Variants in PPP1R42 observed in about 807,000 individuals in gnomAD.
The protein encoded by PPP1R42 is protein phosphatase 1 regulatory subunit 42, also known as leucine rich repeat containing 67.
A neutral mutation model predicts 31.0 loss-of-function variants in PPP1R42; 34 were observed. That is an observed-to-expected ratio of 1.10 (90% CI 0.83 to 1.46). The LOEUF (loss-of-function observed/expected upper bound fraction) is 1.46. Ranked by LOEUF, PPP1R42 falls within the 40% of genes most tolerant of loss-of-function variation. PPP1R42 has a pLI of 0.00. For missense variants in PPP1R42, 268 were observed against 303.0 expected, an observed-to-expected ratio of 0.88 and a Z score of 0.86; for synonymous variants, 103 against 109.8, an observed-to-expected ratio of 0.94 and a Z score of 0.39.
chr8:67,018,827 T>TCCCCC (rs1816109490), intron 1 of PPP1R42, among the ~76,000 whole-genome samples: 2 of 6,570 alleles, frequency 3.0e-4, no homozygotes, highest in African/African-American at 4.7e-4. Context: ...CCCCCCCCCT[T>TCCCCC]TTTTTTTTTT....
At chr8:67,008,567 G>T (rs892636332) in intron 5 of PPP1R42, among the ~76,000 whole-genome samples, 4 of 152,170 alleles carry the variant, frequency 2.6e-5, no homozygotes, top group Non-Finnish European at 5.9e-5. Flanking sequence ...AATTAGCTGG[G>T]CGTGGTGGCA....
intron 7 of PPP1R42, among the ~76,000 whole-genome samples, chr8:66,979,091 G>T (rs1814754992): frequency 6.6e-6 from 1 of 152,026 alleles, no homozygotes; most frequent in Non-Finnish European, 1.5e-5. Flanking sequence ...TGTTCTCATT[G>T]CCTGTGCTTT....
chr8:66,993,952 T>C (rs1157773330), intron 5 of PPP1R42, among the ~76,000 whole-genome samples: 3 of 152,118 alleles, frequency 2.0e-5, no homozygotes, highest in Non-Finnish European at 4.4e-5. Flanking sequence ...AGTTGCTAAT[T>C]AGAGGTGCTG....
Position 67,010,746 on chromosome 8 carries a change from A to T in PPP1R42, c.521T>A (p.Ile174Lys). Residue 174 changes from isoleucine (I) to lysine (K), a missense_variant, in exon 5 of 8, where the codon ATA (isoleucine) becomes AAA (lysine). Transcript: ENST00000685739. ...LELLENLNQL[I>K]AVDNQLLHVK... is the part of the protein sequence containing the mutation. ...ATGCAGAAGTTGGTTGTCAACGGCT[A>T]TGAGCTGATTAAGATTCTCTAGTAG... 2 of 1,607,888 alleles carry T rather than the reference A, an allele frequency of 1.2e-6. No individual in the cohort carries two copies. Among genetic ancestry groups the T allele is most frequent in the Non-Finnish European group, 1.7e-6 (2 of 1,177,120 alleles).
chr8:66,968,565 A>G (rs1349022381), intron 7 of PPP1R42: 19 of 809,536 alleles, frequency 2.3e-5, no homozygotes, highest in Non-Finnish European at 2.8e-5. Context: ...AATTTTCTAG[A>G]AACTAAAAAT....
chr8:66,984,270 G>GGAGA, intron 6 of PPP1R42: 1 of 1,428,122 alleles, frequency 7.0e-7, no homozygotes, highest in Non-Finnish European at 9.9e-7. Flanking sequence ...TCCGGTCTTT[G>GGAGA]GCTGTACCCT....
At chr8:67,005,003 A>G (rs1431912371) in intron 5 of PPP1R42, among the ~76,000 whole-genome samples, 2 of 152,080 alleles carry the variant, frequency 1.3e-5, no homozygotes, top group Non-Finnish European at 2.9e-5. Context: ...TTTTAAAGCC[A>G]TGTAGGCAGG....
intron 5 of PPP1R42, among the ~76,000 whole-genome samples, chr8:67,007,754 A>G (rs1475790176): frequency 6.6e-6 from 1 of 152,068 alleles, no homozygotes; most frequent in Non-Finnish European, 1.5e-5. Flanking sequence ...CATTCTATAC[A>G]TGCTACCAAC....
intron 5 of PPP1R42, among the ~76,000 whole-genome samples, chr8:66,997,129 G>T (rs1217368542): frequency 1.3e-5 from 2 of 152,100 alleles, no homozygotes; most frequent in African/African-American, 4.8e-5. Context: ...CTCCAGCCTG[G>T]GCAACAGAGC....
intron 1 of PPP1R42, among the ~76,000 whole-genome samples, chr8:67,023,156 C>T (rs548892363): frequency 2.2e-4 from 28 of 130,200 alleles, no homozygotes; most frequent in Admixed American, 5.2e-4. Context: ...GACAGGGTCT[C>T]GCTCTGTACA....
chr8:66,972,109 A>G (rs1814553500), intron 7 of PPP1R42, among the ~76,000 whole-genome samples: 1 of 152,248 alleles, frequency 6.6e-6, no homozygotes, highest in Non-Finnish European at 1.5e-5. Context: ...CAGTTATAAA[A>G]GAGTCTTTGC....
chr8:66,971,006 A>C, intron 7 of PPP1R42: 1 of 1,524,772 alleles, frequency 6.6e-7, no homozygotes, highest in Non-Finnish European at 8.7e-7. Context: ...ATTTTAGTGT[A>C]ATCTTCTCAG....
chr8:66,972,885 G>A (rs1814572749), intron 7 of PPP1R42, among the ~76,000 whole-genome samples: 1 of 152,028 alleles, frequency 6.6e-6, no homozygotes, highest in Admixed American at 6.5e-5. Flanking sequence ...GAGCATTATT[G>A]CTTTAGAACA....
At chr8:66,978,208 A>C (rs187425967) in intron 7 of PPP1R42, among the ~76,000 whole-genome samples, 1 of 152,202 alleles carries the variant, frequency 6.6e-6, no homozygotes, top group Non-Finnish European at 1.5e-5. Context: ...CACATCTTAC[A>C]TGGTGGCAGA....
chr8:67,000,079 C>T (rs1016072478), intron 5 of PPP1R42, among the ~76,000 whole-genome samples: 1 of 152,068 alleles, frequency 6.6e-6, no homozygotes, highest in African/African-American at 2.4e-5. Context: ...GCCTGTATTT[C>T]TATTTCATTA....
chr8:66,964,813 A>T (rs527970197), intron 7 of PPP1R42, among the ~76,000 whole-genome samples: 51 of 152,242 alleles, frequency 3.3e-4, no homozygotes, highest in African/African-American at 1.2e-3. Flanking sequence ...CACCCTTTTC[A>T]GTGTAAATTC....
At chr8:67,007,884 CTT>C (rs1157477422) in intron 5 of PPP1R42, among the ~76,000 whole-genome samples, 5 of 133,122 alleles carry the variant, frequency 3.8e-5, no homozygotes, top group Non-Finnish European at 6.5e-5. Flanking sequence ...GTAACTGTTC[CTT>C]TTTTTTTTTT....
chr8:66,995,049 G>A lies in PPP1R42; in HGVS notation c.553-6532C>T, dbSNP rs182254147. On this transcript the variant is annotated intron_variant, in intron 5 of 7. Coordinates refer to ENST00000685739, the MANE Select transcript of PPP1R42 (RefSeq NM_001364910.1). ...TGGCACAAAGCTGTCTGTTGCTGAC[G>A]ATTCAGGATGGATGTCAGTGACCTT... 1.3e-3 allele frequency among the ~76,000 whole-genome samples: 202 copies of A among 152,292 alleles called. 1 individual carries two copies. Among genetic ancestry groups the A allele is most frequent in the Middle Eastern group, 0.01 (3 of 294 alleles).
At chr8:67,006,790 A>G (rs1815696424) in intron 5 of PPP1R42, among the ~76,000 whole-genome samples, 3 of 121,264 alleles carry the variant, frequency 2.5e-5, no homozygotes, top group African/African-American at 9.8e-5. Context: ...TCTGTCGTCC[A>G]GGCTGGAATG....
Sources: allele counts gnomAD v4.1 joint callset (sites outside exome capture counted in the v4.1 genomes callset), GRCh38; gene constraint gnomAD v4.1.1; transcripts MANE v1.5; gene names NCBI Gene and HGNC (gene_info 2026-07-23, HGNC 2026-07-21).